The following ZNF385D variants were observed in gnomAD, a reference collection of about 807,000 sequenced individuals.
ZNF385D encodes zinc finger protein 385D, also known as zinc finger protein 659.
Under a neutral mutation model 35.8 loss-of-function variants are expected in ZNF385D, and 15 were observed. The ratio of observed to expected loss-of-function variants is 0.42; its 90% CI spans 0.28 to 0.64. The LOEUF (loss-of-function observed/expected upper bound fraction) is 0.64, where lower values mean the gene tolerates loss of function less well. Ranked by LOEUF, ZNF385D falls within the 30% of genes least tolerant of loss-of-function variation. The probability of loss-of-function intolerance (pLI) is 0.23; values close to 1 mark genes in which losing one functional copy is unlikely to be tolerated. For missense variants in ZNF385D, 474 were observed against 494.6 expected, an observed-to-expected ratio of 0.96 and a Z score of 0.39; for synonymous variants, 212 against 186.8, an observed-to-expected ratio of 1.13 and a Z score of -1.10.
At chr3:22,124,445 A>G (rs62246436) in intron 3 of ZNF385D, among the ~76,000 whole-genome samples, 5,391 of 151,904 alleles carry the variant, frequency 0.035, 167 homozygotes, top group Middle Eastern at 0.054. Flanking sequence ...ATACATACTT[A>G]GCAGTGGTAT....
At chr3:22,198,916 C>T (rs1696599567) in intron 2 of ZNF385D, among the ~76,000 whole-genome samples, 1 of 152,100 alleles carries the variant, frequency 6.6e-6, no homozygotes, top group Admixed American at 6.6e-5. Context: ...TGAGCAGCAA[C>T]TTCTTTGCTG....
chr3:21,433,463 T>G (rs551379448), intron 5 of ZNF385D, among the ~76,000 whole-genome samples: 2 of 152,300 alleles, frequency 1.3e-5, no homozygotes, highest in Admixed American at 6.5e-5. Flanking sequence ...AGAATTGGCC[T>G]TCAAACCTGG....
chr3:21,687,502 A>G (rs973849663), intron 1 of ZNF385D, among the ~76,000 whole-genome samples: 2 of 152,138 alleles, frequency 1.3e-5, no homozygotes, highest in Admixed American at 1.3e-4. Context: ...ACACATGTAT[A>G]GCTTTTTCCA....
At chr3:21,657,065 GAT>G (rs1491243002) in intron 2 of ZNF385D, among the ~76,000 whole-genome samples, 1 of 151,724 alleles carries the variant, frequency 6.6e-6, no homozygotes, top group East Asian at 1.9e-4. Context: ...TAAATATATA[GAT>G]GTGTGTGTGT....
At chr3:21,586,716 CAG>C (rs1299408669) in intron 2 of ZNF385D, among the ~76,000 whole-genome samples, 5 of 151,474 alleles carry the variant, frequency 3.3e-5, no homozygotes, top group African/African-American at 1.2e-4. Flanking sequence ...TGCATCGCTG[CAG>C]AGTTTTGTTC....
At chr3:21,651,569 G>C (rs1388333760) in intron 2 of ZNF385D, among the ~76,000 whole-genome samples, 3 of 149,794 alleles carry the variant, frequency 2.0e-5, no homozygotes, top group East Asian at 3.9e-4. Flanking sequence ...GGTGAAGAAT[G>C]GTTTCTCAAA....
At chr3:22,114,274 A>G (rs1204357884) in intron 3 of ZNF385D, among the ~76,000 whole-genome samples, 2 of 152,094 alleles carry the variant, frequency 1.3e-5, no homozygotes, top group Non-Finnish European at 2.9e-5. Context: ...TGAAATATAA[A>G]TGATTCTTAA....
chr3:21,827,022 T>C (rs932581352), intron 3 of ZNF385D, among the ~76,000 whole-genome samples: 6 of 152,160 alleles, frequency 3.9e-5, no homozygotes, highest in Admixed American at 3.3e-4. Context: ...TCTCTATAGG[T>C]TGTGCAAAAG....
intron 3 of ZNF385D, among the ~76,000 whole-genome samples, chr3:21,864,833 T>C (rs2125835590): frequency 6.6e-6 from 1 of 152,078 alleles, no homozygotes; most frequent in African/African-American, 2.4e-5. Context: ...AAAATATCAT[T>C]CTTTATTATT....
At chr3:21,698,157 T>C (rs547522083) in intron 1 of ZNF385D, among the ~76,000 whole-genome samples, 10 of 152,334 alleles carry the variant, frequency 6.6e-5, no homozygotes, top group Non-Finnish European at 1.3e-4. Flanking sequence ...CATATGTTTA[T>C]TGCAGCACTA....
At chr3:21,948,582 T>C (rs1204322189) in intron 3 of ZNF385D, among the ~76,000 whole-genome samples, 1 of 152,120 alleles carries the variant, frequency 6.6e-6, no homozygotes, top group African/African-American at 2.4e-5. Context: ...TTGTGAAAAA[T>C]ACCAGATTTC....
At chr3:22,337,983 A>G (rs1695248909) in intron 2 of ZNF385D, among the ~76,000 whole-genome samples, 1 of 152,178 alleles carries the variant, frequency 6.6e-6, no homozygotes, top group Admixed American at 6.5e-5. Flanking sequence ...AATTCTACAT[A>G]TGGGGTTTAT....
At chr3:22,044,931 T>C (rs1698891855) in intron 3 of ZNF385D, among the ~76,000 whole-genome samples, 1 of 152,044 alleles carries the variant, frequency 6.6e-6, no homozygotes, top group Non-Finnish European at 1.5e-5. Flanking sequence ...TGGTGCAGAA[T>C]ACGGAGAGGT....
intron 3 of ZNF385D, among the ~76,000 whole-genome samples, chr3:22,144,392 G>T (rs1029815579): frequency 6.6e-6 from 1 of 151,778 alleles, no homozygotes; most frequent in African/African-American, 2.4e-5. Context: ...TGGCCAATAG[G>T]GTGAAACCCC....
chr3:21,853,935 G>C (rs1344242303), intron 3 of ZNF385D, among the ~76,000 whole-genome samples: 8 of 151,792 alleles, frequency 5.3e-5, no homozygotes, highest in African/African-American at 1.9e-4. Context: ...GATTATGGCA[G>C]ATTGGACTAT....
intron 2 of ZNF385D, among the ~76,000 whole-genome samples, chr3:22,184,334 T>C (rs1050826529): frequency 1.3e-5 from 2 of 152,164 alleles, no homozygotes; most frequent in African/African-American, 4.8e-5. Context: ...CTTTAAAATA[T>C]ATCTTAAAAA....
intron 3 of ZNF385D, among the ~76,000 whole-genome samples, chr3:21,513,343 A>G (rs77690534): frequency 3.6e-3 from 542 of 152,322 alleles, no homozygotes; most frequent in African/African-American, 0.013. Flanking sequence ...GAACAGGGTG[A>G]CAAAATGACC....
chr3:21,874,093 A>G (rs1016228271), intron 3 of ZNF385D, among the ~76,000 whole-genome samples: 5 of 152,000 alleles, frequency 3.3e-5, no homozygotes, highest in Non-Finnish European at 2.9e-5. Flanking sequence ...AAGATGCACC[A>G]TTATACATTC....
chr3:22,175,661 G>C (rs1330294282), intron 2 of ZNF385D, among the ~76,000 whole-genome samples: 1 of 151,514 alleles, frequency 6.6e-6, no homozygotes, highest in African/African-American at 2.4e-5. Context: ...AAAATACGTA[G>C]TAACTTTTAT....
Sources: gnomAD v4.1 joint callset for allele counts (sites outside exome capture counted in the v4.1 genomes callset) on GRCh38, gnomAD v4.1.1 for gene constraint, MANE v1.5 for transcripts, NCBI Gene and HGNC (gene_info 2026-07-23, HGNC 2026-07-21) for gene names.